TRIP12: variants seen among roughly 807,000 people sequenced by gnomAD.
TRIP12 encodes thyroid hormone receptor interactor 12, also known as E3 ubiquitin-protein ligase TRIP12.
A neutral mutation model predicts 244.2 loss-of-function variants in TRIP12; 25 were observed. That is an observed-to-expected ratio of 0.10 (90% CI 0.07 to 0.14). The LOEUF (loss-of-function observed/expected upper bound fraction) is 0.14. Ranked by LOEUF, TRIP12 falls within the 10% of genes least tolerant of loss-of-function variation. The pLI is 1.00. For synonymous variants in TRIP12, 905 were observed against 873.1 expected, an observed-to-expected ratio of 1.04 and a Z score of -0.64; for missense variants, 1,677 against 2,486.4, an observed-to-expected ratio of 0.67 and a Z score of 6.92.
Position 229,778,320 on chromosome 2 carries a change from T to C in TRIP12, c.5364+113A>G, listed in dbSNP as rs972196870. 2.3e-5 allele frequency: 30 copies of C among 1,329,820 alleles called. No individual in the cohort carries two copies. The highest frequency in any genetic ancestry group is 2.0e-4 in the Middle Eastern group (1 of 4,882). The allele number at this position is 1,329,820 out of a possible 1,614,324, so 82.4% of individuals were successfully genotyped here. A position where few individuals can be genotyped will look rare whatever the true frequency, so the allele number is the denominator to read the frequency against. The stretch of plus-strand genomic sequence containing the variant: ...AATCCCCAAGTAATTCATATGTGTA[T>C]TGAAGTTTGAGAAGCATTGCTCTAA... On this transcript the variant is annotated intron_variant, in intron 36 of 41. Transcript: ENST00000675903. The surrounding 1 kb of genome is among the most constrained non-coding windows in gnomAD (Gnocchi z 4.1).
At chr2:229,792,106 T>G (rs368333310) in intron 28 of TRIP12, 41 bp from the exon 29 acceptor site, 1 of 1,613,882 alleles carries the variant, frequency 6.2e-7, no homozygotes, top group Non-Finnish European at 8.5e-7. Flanking sequence ...CCAAAGGCCC[T>G]GAACTTTATA....
chr2:229,808,031 T>C (rs1459866643), intron 16 of TRIP12, among the ~76,000 whole-genome samples, 167 bp from the exon 17 acceptor site: 2 of 152,000 alleles, frequency 1.3e-5, no homozygotes, highest in Non-Finnish European at 2.9e-5. Context: ...AGTGGCACGA[T>C]CTCAGCTCAC....
Position 229,799,399 on chromosome 2 carries a change from T to C in TRIP12, c.3207-16A>G, listed in dbSNP as rs759539708. 11 of 1,609,026 alleles carry C rather than the reference T, an allele frequency of 6.8e-6. No homozygotes were observed. The East Asian group carries it at 8.9e-5, about 13-fold the overall frequency. ...ACTTAATCGACTGTCCATGGGAAAA[T>C]ATGAGATAAGTTTAGCAATTACCAC... On this transcript the variant is annotated splice_polypyrimidine_tract_variant and intron_variant, in intron 21 of 41. Transcript: ENST00000675903.
At chr2:229,838,917 T>A (rs576758477) in intron 5 of TRIP12, among the ~76,000 whole-genome samples, 1 of 152,316 alleles carries the variant, frequency 6.6e-6, no homozygotes, top group South Asian at 2.1e-4. Flanking sequence ...GTCGCTATTG[T>A]AACACCGCCA....
In TRIP12 at chr2:229,765,803, AAC is replaced by A. The variant is rs1574613450; in HGVS notation, c.*1749_*1750del. 2 of 152,202 alleles carry A rather than the reference AAC, an allele frequency of 1.3e-5. No homozygotes were observed. The highest frequency in any genetic ancestry group is 1.9e-4 in the East Asian group (1 of 5,190). The allele number at this position is 152,202 out of a possible 1,614,324, so 9.4% of individuals were successfully genotyped here. A position where few individuals can be genotyped will look rare whatever the true frequency, so the allele number is the denominator to read the frequency against. ...TGCTGTTAGTGGTGAAAACTGCAGAAACACAATTCCCTTCTTGGATTTCAGGG... is the reference window on the plus strand; with the variant it reads ...TGCTGTTAGTGGTGAAAACTGCAGAAACAATTCCCTTCTTGGATTTCAGGG... On this transcript the variant is annotated 3_prime_UTR_variant, in exon 42 of 42. Coordinates refer to ENST00000675903, the MANE Select transcript of TRIP12 (RefSeq NM_001348323.3).
Position 229,813,770 on chromosome 2 carries a change from C to T in TRIP12, c.1986+100G>A, listed in dbSNP as rs559275503. ...CTGCACTCTAGCCTGGGTAACAGAGCGAGACTCCCATCTCAAAAAAATAAA... is the reference window on the plus strand; with the variant it reads ...CTGCACTCTAGCCTGGGTAACAGAGTGAGACTCCCATCTCAAAAAAATAAA... On this transcript the variant is annotated intron_variant, in intron 13 of 41. Transcript: ENST00000675903. 1.9e-5 allele frequency: 16 copies of T among 864,534 alleles called. No individual in the cohort carries two copies. In the African/African-American group the frequency reaches 2.0e-4, roughly 11 times the overall value. 53.6% of individuals were successfully genotyped at this position (864,534 alleles called of 1,614,324 possible).
At chr2:229,851,745 G>A (rs761430827) in intron 4 of TRIP12, among the ~76,000 whole-genome samples, 1 of 151,870 alleles carries the variant, frequency 6.6e-6, no homozygotes, top group African/African-American at 2.4e-5. Context: ...CTTAAGAACT[G>A]TAACACTCAC....
chr2:229,791,789 A>T, intron 29 of TRIP12, 77 bp downstream of exon 29: 2 of 1,476,718 alleles, frequency 1.4e-6, no homozygotes, highest in Non-Finnish European at 1.9e-6. Context: ...GCCAGCCATT[A>T]AGTTAATGTG....
At chr2:229,813,453 A>G (rs2047747488) in intron 13 of TRIP12, among the ~76,000 whole-genome samples, 1 of 152,202 alleles carries the variant, frequency 6.6e-6, no homozygotes. Context: ...TCGATTATAT[A>G]TGCAGTTAAA....
Position 229,814,346 on chromosome 2 carries a change from A to T in TRIP12, c.1732-21T>A, listed in dbSNP as rs757804566. On this transcript the variant is annotated intron_variant, in intron 11 of 41. Transcript: ENST00000675903. ...TGCAGCTGGGAACATATATATAGTT[A>T]CCATAAGGTTATCATTTAAGTTCTT... 5.6e-6 allele frequency: 9 copies of T among 1,601,144 alleles called. 1 individual carries two copies. In the South Asian group the frequency reaches 1.0e-4, roughly 18 times the overall value.
Position 229,892,834 on chromosome 2 carries a change from C to T in TRIP12, c.-49-12706G>A, listed in dbSNP as rs544035551. On this transcript the variant is annotated intron_variant, in intron 1 of 41. Transcript: ENST00000675903. ...TGGGCTGAGATTGCACCACTGCACTCCAGCCTGGGTGACAGAGTGAGACCC... is the reference window on the plus strand; with the variant it reads ...TGGGCTGAGATTGCACCACTGCACTTCAGCCTGGGTGACAGAGTGAGACCC... 2.6e-5 allele frequency among the ~76,000 whole-genome samples: 4 copies of T among 152,098 alleles called. No homozygotes were observed. The East Asian group carries it at 7.7e-4, about 29-fold the overall frequency.
At chr2:229,897,125 A>T (rs1406539882) in intron 1 of TRIP12, among the ~76,000 whole-genome samples, 5 of 152,220 alleles carry the variant, frequency 3.3e-5, no homozygotes, top group African/African-American at 4.8e-5. Flanking sequence ...ATGTGAGCCT[A>T]AAACTACTCT....
In TRIP12 at chr2:229,858,833, T is replaced by C. The variant is rs748145778; in HGVS notation, c.966A>G (p.Pro322=). 2.5e-6 allele frequency: 4 copies of C among 1,613,978 alleles called. No individual in the cohort carries two copies. The highest frequency in any genetic ancestry group is 2.2e-5 in the South Asian group (2 of 91,092). The change falls in exon 4 of 42, where the codon CCA becomes CCG. Residue 322 remains proline, a synonymous_variant. Coordinates refer to ENST00000675903, the MANE Select transcript of TRIP12 (RefSeq NM_001348323.3). ...TTGATGTCTCTGACTTAGAAGACCC[T>C]GGAAGAGACAGTTTTGTTTTAGGAA... ...VSLPKTKLSL[P]GSSKSETSKP...
At chr2:229,835,323 A>C (rs2054524226) in intron 6 of TRIP12, among the ~76,000 whole-genome samples, 1 of 152,232 alleles carries the variant, frequency 6.6e-6, no homozygotes, top group Non-Finnish European at 1.5e-5. Flanking sequence ...GGAACTGTTT[A>C]GAAAGGCAGT....
intron 1 of TRIP12, chr2:229,894,337 G>C (rs530497609): frequency 6.6e-6 from 1 of 152,238 alleles, no homozygotes; most frequent in South Asian, 2.1e-4. Flanking sequence ...TTTAAAAAAA[G>C]TCTTTATCGT....
chr2:229,845,048 T>C (rs907181671), intron 4 of TRIP12, among the ~76,000 whole-genome samples: 2 of 152,204 alleles, frequency 1.3e-5, no homozygotes, highest in African/African-American at 4.8e-5. Flanking sequence ...AGGACAGGTA[T>C]ATAACCCAAG....
chr2:229,883,961 T>C (rs1377683513), intron 1 of TRIP12, among the ~76,000 whole-genome samples: 2 of 151,968 alleles, frequency 1.3e-5, no homozygotes, highest in African/African-American at 4.8e-5. Flanking sequence ...ATACAAAAAT[T>C]AGCCAGGTGT....
rs1171317809 is a variant in TRIP12, at chr2:229,815,145, C to T, written c.1685G>A (p.Arg562Gln). The T allele has an allele frequency of 1.2e-6, 2 of 1,612,940 alleles. No homozygotes were observed. The highest frequency in any genetic ancestry group is 1.1e-5 in the South Asian group (1 of 90,920). ...ALTYMMEALP[R>Q]SSAVVVDAIP... ...AGCATCTACTACAACAGCAGAAGAT[C>T]GAGGAAGTGCTTCCATCATGTATGT... Residue 562 changes from arginine to glutamine, a missense_variant, in exon 11 of 42, where the codon CGA becomes CAA. By Grantham distance (43) the Arg-to-Gln change is conservative. This residue lies in a region of TRIP12 where 572 missense variants were observed against 867.8 expected (regional missense o/e 0.66). Coordinates refer to ENST00000675903, the MANE Select transcript of TRIP12 (RefSeq NM_001348323.3).
chr2:229,847,790 T>C (rs1364558369), intron 4 of TRIP12, among the ~76,000 whole-genome samples: 4 of 152,184 alleles, frequency 2.6e-5, no homozygotes, highest in Non-Finnish European at 4.4e-5. Flanking sequence ...TCTCCCACAC[T>C]TGTACAGCTG....
Sources: allele counts gnomAD v4.1 joint callset (sites outside exome capture counted in the v4.1 genomes callset), GRCh38; gene constraint gnomAD v4.1.1; regional missense constraint gnomAD v4.1.1; non-coding constraint Gnocchi (gnomAD v3.1); transcripts MANE v1.5; gene names NCBI Gene and HGNC (gene_info 2026-07-23, HGNC 2026-07-21).